Variants in AGO3 observed in about 807,000 individuals in gnomAD.
AGO3 encodes argonaute RISC catalytic component 3, also known as protein argonaute-3.
In AGO3, 16 loss-of-function variants were observed where a neutral mutation model predicts 105.5. The ratio of observed to expected loss-of-function variants is 0.15; its 90% CI spans 0.10 to 0.23. The LOEUF (loss-of-function observed/expected upper bound fraction) is 0.23, where lower values mean the gene tolerates loss of function less well. Among genes scored for constraint, AGO3 ranks in the 10% least tolerant of loss-of-function variants. The probability of loss-of-function intolerance (pLI) is 1.00; values close to 1 mark genes in which losing one functional copy is unlikely to be tolerated. For missense variants in AGO3, 534 were observed against 1,088.0 expected (o/e 0.49, Z 7.16); for synonymous variants, 340 against 367.3 (o/e 0.93, Z 0.85).
At chr1:36,022,056 G>T (rs557232633) in intron 11 of AGO3, among the ~76,000 whole-genome samples, 6 of 131,806 alleles carry the variant, frequency 4.6e-5, no homozygotes, top group African/African-American at 1.4e-4. Context: ...AAACTAAGTT[G>T]GGGGCCTTTT....
At chr1:36,001,332 C>T (rs761292520) in intron 5 of AGO3, among the ~76,000 whole-genome samples, 1 of 152,160 alleles carries the variant, frequency 6.6e-6, no homozygotes, top group Non-Finnish European at 1.5e-5. Flanking sequence ...AACACACACA[C>T]GTGCACAGGA....
At chr1:35,968,783 T>C (rs1646815703) in intron 3 of AGO3, among the ~76,000 whole-genome samples, 2 of 152,202 alleles carry the variant, frequency 1.3e-5, no homozygotes, top group African/African-American at 4.8e-5. Context: ...GTGATAATTA[T>C]TAATTTTCTG....
At chr1:35,964,137 A>G (rs1304008491) in intron 2 of AGO3, among the ~76,000 whole-genome samples, 3 of 152,190 alleles carry the variant, frequency 2.0e-5, no homozygotes, top group Non-Finnish European at 4.4e-5. Flanking sequence ...ACATTTATAT[A>G]TGAACATATA....
intron 11 of AGO3, among the ~76,000 whole-genome samples, chr1:36,024,430 C>T (rs113402303): frequency 0.01 from 1,580 of 152,266 alleles, 27 homozygotes; most frequent in African/African-American, 0.036. Context: ...AGCCACCGCA[C>T]TCTGCCGACC....
In AGO3 at chr1:36,018,011, C is replaced by CT. The variant is rs565672579; in HGVS notation, c.1406+3974dup. Among the ~76,000 whole-genome samples the CT allele has an allele frequency of 8.1e-3, 1,168 of 144,348 alleles. 10 individuals are homozygous for CT. The highest frequency in any genetic ancestry group is 0.026 in the African/African-American group (1,035 of 39,876). The allele number at this position is 144,348 out of a possible 152,430, so 94.7% of individuals were successfully genotyped here. ...CTTTAACCTGTATTGACAATGTTCT[C>CT]TTTTTTTTTTTGAGGCTGGAGTGCA... On this transcript the variant is annotated intron_variant, in intron 11 of 18. Coordinates refer to ENST00000373191, the MANE Select transcript of AGO3 (RefSeq NM_024852.4).
chr1:35,997,407 C>T (rs1351845769), intron 5 of AGO3, among the ~76,000 whole-genome samples: 2 of 152,162 alleles, frequency 1.3e-5, no homozygotes, highest in African/African-American at 4.8e-5. Context: ...AGTATGTCTT[C>T]AGTAGAAATT....
intron 2 of AGO3, among the ~76,000 whole-genome samples, chr1:35,962,360 G>A (rs1451579864): frequency 1.3e-5 from 2 of 151,944 alleles, no homozygotes; most frequent in Non-Finnish European, 2.9e-5. Context: ...TGGCTAACAC[G>A]GTGAAACCCC....
chr1:36,065,400 G>A lies in AGO3; in HGVS notation c.*9655G>A, dbSNP rs1245259620. On this transcript the variant is annotated 3_prime_UTR_variant, in exon 19 of 19. Transcript: ENST00000373191. ...CGAGGTGGGCGGATCACGAGGTCAA[G>A]AGATGGAGACCATCCTGGCCAACAT... 2.0e-5 allele frequency: 3 copies of A among 152,276 alleles called. No homozygotes were observed. Among genetic ancestry groups the A allele is most frequent in the African/African-American group, 7.2e-5 (3 of 41,436 alleles). The allele number at this position is 152,276 out of a possible 1,614,324, so 9.4% of individuals were successfully genotyped here.
chr1:35,931,178 G>A lies in AGO3; in HGVS notation c.-249G>A. On this transcript the variant is annotated 5_prime_UTR_variant, in exon 1 of 19. Transcript: ENST00000373191. ...GCGGCCGCGGGCGATGCAACTTCCG[G>A]ACGGGACTCCCCTCTGTCCGCGCCT... 1 of 398,986 alleles carries A rather than the reference G, an allele frequency of 2.5e-6. No homozygotes were observed. Among genetic ancestry groups the A allele is most frequent in the South Asian group, 1.2e-4 (1 of 8,166 alleles). 24.7% of individuals were successfully genotyped at this position (398,986 alleles called of 1,614,324 possible).
Position 36,055,106 on chromosome 1 carries a change from T to G in AGO3, c.2435T>G (p.Phe812Cys). ...GCGTATTATGCTCACCTGGTAGCAT[T>G]TAGAGCCAGATATCATCTTGTGGAC... ...APAYYAHLVA[F>C]RARYHLVDKE... The change falls in exon 18 of 19, where the codon TTT (phenylalanine) becomes TGT (cysteine). Residue 812 changes from phenylalanine (F) to cysteine (C), a missense_variant. By Grantham distance (205) the Phe-to-Cys change is radical. This residue lies in a region of AGO3 where 373 missense variants were observed against 854.0 expected (regional missense o/e 0.44). Transcript: ENST00000373191. This position sits in a 1 kb window ranked among gnomAD's most constrained non-coding sequence, Gnocchi z 4.4. The G allele has an allele frequency of 6.2e-7, 1 of 1,612,610 alleles. No individual in the cohort carries two copies. The highest frequency in any genetic ancestry group is 8.5e-7 in the Non-Finnish European group (1 of 1,179,232).
chr1:35,999,437 C>T (rs989797858), intron 5 of AGO3, among the ~76,000 whole-genome samples: 2 of 152,052 alleles, frequency 1.3e-5, no homozygotes, highest in Non-Finnish European at 2.9e-5. Flanking sequence ...AGGATTACAT[C>T]CTGTTGATAT....
chr1:35,995,887 A>C (rs1247440685), intron 5 of AGO3, among the ~76,000 whole-genome samples: 1 of 152,132 alleles, frequency 6.6e-6, no homozygotes, highest in Non-Finnish European at 1.5e-5. Context: ...CATGTTGGCC[A>C]GGCTGGTCTC....
At position 36,057,374 on chromosome 1, in the gene AGO3, A is replaced by T. The variant is rs1642953452; in HGVS notation, c.*1629A>T. 1.3e-5 allele frequency: 2 copies of T among 152,066 alleles called. No homozygotes were observed. Among genetic ancestry groups the T allele is most frequent in the African/African-American group, 4.8e-5 (2 of 41,538 alleles). The allele number at this position is 152,066 out of a possible 1,614,324, so 9.4% of individuals were successfully genotyped here. A position where few individuals can be genotyped will look rare whatever the true frequency, so the allele number is the denominator to read the frequency against. ...TATGTATGTGTGTGTATATAAACACATATGTATGTGTTTGGAAGTATAGCT... is the reference window on the plus strand; with the variant it reads ...TATGTATGTGTGTGTATATAAACACTTATGTATGTGTTTGGAAGTATAGCT... On this transcript the variant is annotated 3_prime_UTR_variant, in exon 19 of 19. Coordinates refer to ENST00000373191, the MANE Select transcript of AGO3 (RefSeq NM_024852.4).
At chr1:36,009,412 A>T (rs1640485107) in intron 8 of AGO3, 63 bp from the exon 9 acceptor site, 2 of 1,505,244 alleles carry the variant, frequency 1.3e-6, no homozygotes, top group South Asian at 1.4e-5. Flanking sequence ...TGTAATTGGC[A>T]CTAAGTAAGA....
chr1:36,053,574 C>T (rs1488217532), intron 17 of AGO3, among the ~76,000 whole-genome samples: 4 of 151,278 alleles, frequency 2.6e-5, no homozygotes, highest in African/African-American at 4.9e-5. Flanking sequence ...CACACCCAGC[C>T]TATTTTTGTT....
chr1:36,008,880 TA>T lies in AGO3; in HGVS notation c.882-16del, dbSNP rs755194036. 6.2e-7 allele frequency: 1 copy of T among 1,614,026 alleles called. No homozygotes were observed. Among genetic ancestry groups the T allele is most frequent in the Admixed American group, 1.7e-5 (1 of 59,978 alleles). ...ATAATGGGCAAGAATTGTTCATGTG[TA>T]CTTTTTTTTCCTCAGCTTTCCTTTA... On this transcript the variant is annotated splice_polypyrimidine_tract_variant and intron_variant, in intron 7 of 18. Transcript: ENST00000373191. This position sits in a 1 kb window ranked among gnomAD's most constrained non-coding sequence, Gnocchi z 5.1.
intron 11 of AGO3, among the ~76,000 whole-genome samples, chr1:36,025,484 T>C (rs780799986): frequency 4.8e-4 from 73 of 152,176 alleles, no homozygotes; most frequent in African/African-American, 9.7e-5. Flanking sequence ...ATATTTGTTA[T>C]TCGCAGCTTG....
intron 11 of AGO3, among the ~76,000 whole-genome samples, chr1:36,024,136 C>CTTTT (rs543123565): frequency 9.3e-5 from 12 of 128,952 alleles, no homozygotes; most frequent in African/African-American, 2.6e-4. Flanking sequence ...TGACTGACTC[C>CTTTT]TTTTTTTTTT....
chr1:36,049,267 C>G (rs1444125952), intron 17 of AGO3, among the ~76,000 whole-genome samples: 1 of 152,080 alleles, frequency 6.6e-6, no homozygotes, highest in East Asian at 1.9e-4. Flanking sequence ...CGCCTGTAAT[C>G]CCAGCACTTT....
Sources: gnomAD v4.1 joint callset for allele counts (sites outside exome capture counted in the v4.1 genomes callset) on GRCh38, gnomAD v4.1.1 for gene constraint, gnomAD v4.1.1 regional missense constraint, Gnocchi (gnomAD v3.1) non-coding constraint, MANE v1.5 for transcripts, NCBI Gene and HGNC (gene_info 2026-07-23, HGNC 2026-07-21) for gene names.